MYBL1: variants seen among roughly 807,000 people sequenced by gnomAD.
MYBL1 encodes the protein MYB proto-oncogene like 1, also known as myb-related protein A.
Under a neutral mutation model 96.3 loss-of-function variants are expected in MYBL1, and 17 were observed. The observed-to-expected ratio is 0.18, with a 90% CI of 0.12 to 0.26. The LOEUF (loss-of-function observed/expected upper bound fraction) is 0.26. MYBL1 is among the 10% of genes least tolerant of loss of function. The pLI is 1.00. For missense variants in MYBL1, 701 were observed against 882.9 expected (o/e 0.79, Z 2.61); for synonymous variants, 282 against 292.7 (o/e 0.96, Z 0.37).
intron 8 of MYBL1, among the ~76,000 whole-genome samples, chr8:66,588,476 C>T (rs534551892): frequency 6.6e-6 from 1 of 151,998 alleles, no homozygotes; most frequent in Non-Finnish European, 1.5e-5. Context: ...GACAGGGTTT[C>T]GCCATGTTGC....
rs767137094 is a variant in MYBL1, at chr8:66,602,397, G to C, written c.126+21C>G. On this transcript the variant is annotated intron_variant, in intron 2 of 15. Transcript: ENST00000522677. ...CCAATAAATACATGTAAGAAACTAT[G>C]AAACCTTGTCAGATAATTACCTCGT... is the stretch of plus-strand genomic sequence containing the variant. 9.2e-6 allele frequency: 14 copies of C among 1,522,384 alleles called. 2 individuals carry two copies. In the East Asian group the frequency reaches 3.2e-4, roughly 35 times the overall value. 94.3% of individuals were successfully genotyped at this position (1,522,384 alleles called of 1,614,324 possible). A position where few individuals can be genotyped will look rare whatever the true frequency, so the allele number is the denominator to read the frequency against.
At chr8:66,582,296 A>G (rs1809243516) in intron 8 of MYBL1, among the ~76,000 whole-genome samples, 2 of 152,132 alleles carry the variant, frequency 1.3e-5, no homozygotes, top group South Asian at 4.2e-4. Context: ...ACAAAAACTC[A>G]TGTCACCTGT....
Position 66,595,775 on chromosome 8 carries a change from T to A in MYBL1, c.513-18A>T, listed in dbSNP as rs751620268. The A allele has an allele frequency of 6.9e-7, 1 of 1,455,382 alleles. No individual in the cohort carries two copies. The highest frequency in any genetic ancestry group is 9.1e-7 in the Non-Finnish European group (1 of 1,094,830). 90.2% of individuals were successfully genotyped at this position (1,455,382 alleles called of 1,614,324 possible). ...TATCAGTCCTAAGAAAGGAAAGGTA[T>A]GATTTAAAAAGAAAAAAGGATTCCA... On this transcript the variant is annotated intron_variant, in intron 5 of 15. Transcript: ENST00000522677.
At chr8:66,597,215 A>G (rs1369492574) in intron 5 of MYBL1, 115 bp downstream of exon 5, 2 of 760,340 alleles carry the variant, frequency 2.6e-6, no homozygotes, top group African/African-American at 1.8e-5. Context: ...TATAGTCTAC[A>G]TTTTAATTAC....
At chr8:66,603,907 A>G (rs1810203783) in intron 1 of MYBL1, among the ~76,000 whole-genome samples, 1 of 152,184 alleles carries the variant, frequency 6.6e-6, no homozygotes, top group Non-Finnish European at 1.5e-5. Context: ...AATTAAATGA[A>G]TAAAAATACC....
At chr8:66,571,128 T>C (rs1000599966) in intron 12 of MYBL1, among the ~76,000 whole-genome samples, 22 of 152,188 alleles carry the variant, frequency 1.4e-4, no homozygotes, top group Admixed American at 6.5e-5. Flanking sequence ...CCCTGGAAGT[T>C]ACCAATATTT....
intron 1 of MYBL1, among the ~76,000 whole-genome samples, chr8:66,609,921 TCCCA>T (rs969560806): frequency 6.6e-6 from 1 of 151,934 alleles, no homozygotes; most frequent in Non-Finnish European, 1.5e-5. Flanking sequence ...ATAATTTCAC[TCCCA>T]CCCATTTTGC....
rs1005263491 is a variant in MYBL1 at position 66,564,171 on chromosome 8, T to C, written c.*526A>G. ...ACACTGTAGTTAATTTTACTGCTTC[T>C]GAAAAAAAAAACAAAAAATTAGTAG... On this transcript the variant is annotated 3_prime_UTR_variant, in exon 16 of 16. Coordinates refer to ENST00000522677, the MANE Select transcript of MYBL1 (RefSeq NM_001080416.4). 1 of 152,086 alleles carries C rather than the reference T, an allele frequency of 6.6e-6. No individual in the cohort carries two copies. Among genetic ancestry groups the C allele is most frequent in the African/African-American group, 2.4e-5 (1 of 41,366 alleles). 9.4% of individuals were successfully genotyped at this position (152,086 alleles called of 1,614,324 possible). A position where few individuals can be genotyped will look rare whatever the true frequency, so the allele number is the denominator to read the frequency against.
rs373512999 is a variant in MYBL1 at position 66,566,782 on chromosome 8, C to T, written c.1852G>A (p.Ala618Thr). ...GATTTTCTGACTTTCTTCCCAGAAG[C>T]GGTATTCTAGAATGAGTAATTTATG... ...AYKSCKQENT[A>T]SGKKVRKSLV... The change falls in exon 14 of 16, where the codon GCT (alanine) becomes ACT (threonine). Residue 618 changes from alanine to threonine, a missense_variant. By Grantham distance (58) the Ala-to-Thr change is moderately conservative. This residue lies in a region of MYBL1 where 63 missense variants were observed against 109.2 expected (regional missense o/e 0.58). Transcript: ENST00000522677. The T allele has an allele frequency of 5.6e-6, 9 of 1,607,406 alleles. No homozygotes were observed. Among genetic ancestry groups the T allele is most frequent in the African/African-American group, 5.4e-5 (4 of 74,728 alleles).
intron 8 of MYBL1, among the ~76,000 whole-genome samples, chr8:66,580,993 TG>T (rs1809189036): frequency 6.6e-6 from 1 of 152,044 alleles, no homozygotes; most frequent in Admixed American, 6.6e-5. Flanking sequence ...CCCGGGTAGC[TG>T]GGATTACAGG....
At position 66,573,456 on chromosome 8, in the gene MYBL1, T is replaced by C. The variant is rs1808815082; in HGVS notation, c.1521A>G (p.Ser507=). 3 of 1,612,046 alleles carry C rather than the reference T, an allele frequency of 1.9e-6. No individual in the cohort carries two copies. The highest frequency in any genetic ancestry group is 2.5e-6 in the Non-Finnish European group (3 of 1,178,986). ...GNEQLNIENP[S]FTSTPICGQK... ...GCCCACAAATAGGGGTTGATGTAAA[T>C]GAAGGATTTTCTATATTAAGTTGTT... The change falls in exon 11 of 16, where the codon TCA becomes TCG. Residue 507 remains serine (S), a synonymous_variant. Transcript: ENST00000522677.
In MYBL1 at chr8:66,576,190, A is replaced by C; in HGVS notation, c.1287T>G (p.Ala429=). 6.2e-7 allele frequency: 1 copy of C among 1,614,014 alleles called. No individual in the cohort carries two copies. ...CTATATTTGGGGATGTTAAAGGAAC[A>C]GCTTCACTGTTGCCACCATTACAAG... ...KNTCNGGNSE[A]VPLTSPNIAK... The change falls in exon 10 of 16, where the codon GCT becomes GCG. Residue 429 remains alanine (A), a synonymous_variant. Coordinates refer to ENST00000522677, the MANE Select transcript of MYBL1 (RefSeq NM_001080416.4).
At position 66,563,611 on chromosome 8, in the gene MYBL1, G is replaced by A. The variant is rs1808397211; in HGVS notation, c.*1086C>T. ...GTGCAGACTGTTTTTAGGGACCAAG[G>A]TACCATATTATTTTTTAAACAAAAT... On this transcript the variant is annotated 3_prime_UTR_variant, in exon 16 of 16. Transcript: ENST00000522677. 6.6e-6 allele frequency: 1 copy of A among 152,158 alleles called. No homozygotes were observed. Among genetic ancestry groups the A allele is most frequent in the South Asian group, 2.1e-4 (1 of 4,820 alleles). 9.4% of individuals were successfully genotyped at this position (152,158 alleles called of 1,614,324 possible).
chr8:66,580,164 T>G lies in MYBL1; in HGVS notation c.1070A>C (p.Glu357Ala). The change falls in exon 9 of 16, where the codon GAA becomes GCA. Residue 357 changes from glutamate to alanine, a missense_variant. Physicochemically the swap from Glu to Ala is moderately radical, Grantham distance 107. Around this residue, in one of 5 missense-constraint regions of MYBL1, gnomAD observed 396 missense variants for 407.4 expected, o/e 0.97. Transcript: ENST00000522677. The stretch of plus-strand genomic sequence containing the variant: ...AATAAGTTCTAGAGTCTCTGCAAAT[T>G]CTGGGATGGTCTGCAAAGAGGATAA... Reference protein sequence around the residue: ...AVLSSLQTIPEFAETLELIES... With the variant: ...AVLSSLQTIPAFAETLELIES... 6.2e-7 allele frequency: 1 copy of G among 1,613,788 alleles called. No homozygotes were observed. Among genetic ancestry groups the G allele is most frequent in the Non-Finnish European group, 8.5e-7 (1 of 1,179,744 alleles).
At chr8:66,599,820 G>T (rs1161680932) in intron 3 of MYBL1, among the ~76,000 whole-genome samples, 2 of 151,214 alleles carry the variant, frequency 1.3e-5, no homozygotes, top group African/African-American at 4.9e-5. Context: ...AAAAGAAAAA[G>T]AACTCAAATA....
At position 66,566,201 on chromosome 8, in the gene MYBL1, A is replaced by G. The variant is rs748311621; in HGVS notation, c.1993T>C (p.Leu665=). 301 of 1,513,492 alleles carry G rather than the reference A, an allele frequency of 2.0e-4. No homozygotes were observed. The highest frequency in any genetic ancestry group is 2.4e-4 in the Non-Finnish European group (269 of 1,113,426). The allele number at this position is 1,513,492 out of a possible 1,614,324, so 93.8% of individuals were successfully genotyped here. The stretch of plus-strand genomic sequence containing the variant: ...TTGCACCTATTGTCATGTATTTCCA[A>G]TAATGGTATCATTAATAAGGATGTA... ...FTTSLLMIPL[L]EIHDNRCNLI... Residue 665 remains leucine, a synonymous_variant, in exon 15 of 16, where the codon TTG becomes CTG. Coordinates refer to ENST00000522677, the MANE Select transcript of MYBL1 (RefSeq NM_001080416.4).
At chr8:66,610,810 T>C (rs1307089362) in intron 1 of MYBL1, among the ~76,000 whole-genome samples, 2 of 152,130 alleles carry the variant, frequency 1.3e-5, no homozygotes, top group Admixed American at 1.3e-4. Flanking sequence ...ACTTAAGAGA[T>C]ACATCATTCA....
intron 8 of MYBL1, among the ~76,000 whole-genome samples, chr8:66,585,599 T>C (rs553457580): frequency 9.7e-4 from 148 of 152,016 alleles, no homozygotes; most frequent in African/African-American, 3.4e-3. Context: ...AAAAATTAGC[T>C]GGGCGTGGTG....
At chr8:66,586,786 A>G (rs1809437704) in intron 8 of MYBL1, among the ~76,000 whole-genome samples, 1 of 152,226 alleles carries the variant, frequency 6.6e-6, no homozygotes, top group Admixed American at 6.5e-5. Context: ...TAAAGCAAGA[A>G]AATGTGCTGT....
Sources: gnomAD v4.1 joint callset for allele counts (sites outside exome capture counted in the v4.1 genomes callset) on GRCh38, gnomAD v4.1.1 for gene constraint, gnomAD v4.1.1 regional missense constraint, MANE v1.5 for transcripts, NCBI Gene and HGNC (gene_info 2026-07-23, HGNC 2026-07-21) for gene names.